Variants in CHODL observed in about 807,000 individuals in gnomAD.
CHODL encodes the protein chondrolectin.
Under a neutral mutation model 34.5 loss-of-function variants are expected in CHODL, and 29 were observed. That is an observed-to-expected ratio of 0.84 (90% CI 0.63 to 1.15). The LOEUF is 1.15. Among genes scored for constraint, CHODL ranks in the 50% most tolerant of loss-of-function variants. CHODL has a pLI of 0.00. For missense variants in CHODL, 332 were observed against 332.5 expected, an observed-to-expected ratio of 1.00 and a Z score of 0.01; for synonymous variants, 125 against 116.1, an observed-to-expected ratio of 1.08 and a Z score of -0.49.
At chr21:18,096,092 G>A (rs993788051) in intron 2 of CHODL, among the ~76,000 whole-genome samples, 6 of 152,038 alleles carry the variant, frequency 3.9e-5, no homozygotes, top group South Asian at 2.1e-4. Flanking sequence ...AATTTCTTAC[G>A]ACTGTCTTTA....
chr21:18,101,714 A>ATT (rs71848643), intron 2 of CHODL, among the ~76,000 whole-genome samples: 16 of 144,864 alleles, frequency 1.1e-4, no homozygotes, highest in Non-Finnish European at 1.8e-4. Context: ...CATTTACAAC[A>ATT]TTTTTTTTTT....
intron 2 of CHODL, among the ~76,000 whole-genome samples, chr21:18,084,895 T>C: frequency 6.6e-6 from 1 of 150,880 alleles, no homozygotes; most frequent in Non-Finnish European, 1.5e-5. Context: ...ATTGTATTGC[T>C]ATCTCTTTTG....
intron 1 of CHODL, among the ~76,000 whole-genome samples, chr21:17,939,304 A>C (rs2063344956): frequency 6.6e-6 from 1 of 152,128 alleles, no homozygotes; most frequent in Non-Finnish European, 1.5e-5. Context: ...TATTTTAGAC[A>C]CTGAATATAA....
intron 1 of CHODL, among the ~76,000 whole-genome samples, chr21:17,946,009 T>C (rs2063404652): frequency 6.6e-6 from 1 of 152,028 alleles, no homozygotes; most frequent in Non-Finnish European, 1.5e-5. Flanking sequence ...AGCTGTTCTT[T>C]AGAAATGAAG....
At position 18,053,947 on chromosome 21, in the gene CHODL, C is replaced by A. The variant is rs2064547917; in HGVS notation, c.-45+25976C>A. Among the ~76,000 whole-genome samples the A allele has an allele frequency of 2.0e-5, 3 of 151,172 alleles. No homozygotes were observed. In the Admixed American group the frequency reaches 2.0e-4, roughly 10 times the overall value. On this transcript the variant is annotated intron_variant, in intron 2 of 6. Coordinates refer to the CHODL transcript ENST00000400127. Reference sequence around the variant, plus strand: ...ATAAATGTGTATAATTTATATATATCACATATAAAATCACATATATCACAC... The same window carrying A: ...ATAAATGTGTATAATTTATATATATAACATATAAAATCACATATATCACAC...
chr21:17,932,177 C>G lies in CHODL; in HGVS notation c.-145+14777C>G, dbSNP rs545586104. On this transcript the variant is annotated intron_variant, in intron 1 of 6. Coordinates refer to the CHODL transcript ENST00000400127. ...CAAATAGACACTGCTCAAAAGAATA[C>G]AAGTGACCAACAAAGATATGAAAAA... 2.6e-5 allele frequency among the ~76,000 whole-genome samples: 4 copies of G among 152,104 alleles called. No individual in the cohort carries two copies. The South Asian group carries it at 8.3e-4, about 32-fold the overall frequency.
intron 1 of CHODL, among the ~76,000 whole-genome samples, chr21:18,008,241 G>A (rs2063978711): frequency 6.6e-6 from 1 of 151,728 alleles, no homozygotes; most frequent in South Asian, 2.1e-4. Flanking sequence ...TTGTATGTAT[G>A]CGTATACCCA....
At position 18,226,408 on chromosome 21, in the gene CHODL, C is replaced by G. The variant is rs1280779027; in HGVS notation, c.-44-30101C>G. On this transcript the variant is annotated intron_variant, in intron 2 of 6. Transcript: ENST00000400127. ...CTTCACCTCCCAGGTTCAAGGGATT[C>G]TCCTGCCTCAGCCTCCCAAGTAGCT... Among the ~76,000 whole-genome samples the G allele has an allele frequency of 3.9e-5, 6 of 152,166 alleles. No homozygotes were observed. The East Asian group carries it at 1.2e-3, about 29-fold the overall frequency.
chr21:18,254,854 C>T (rs537238767), intron 1 of CHODL, among the ~76,000 whole-genome samples: 4 of 151,730 alleles, frequency 2.6e-5, no homozygotes, highest in South Asian at 2.1e-4. Context: ...TAGAGGTATG[C>T]GAAATTTAAT....
In CHODL at chr21:18,260,219, T is replaced by C; in HGVS notation, c.567T>C (p.Pro189=). 1 of 1,576,330 alleles carries C rather than the reference T, an allele frequency of 6.3e-7. No homozygotes were observed. Among genetic ancestry groups the C allele is most frequent in the Admixed American group, 1.9e-5 (1 of 53,750 alleles). ...TTACAGAGATTAATCCAACAGCCCC[T>C]GTAGAAAAGCCTTATCTTACAAATC... ...KYEPEINPTA[P]VEKPYLTNQP... is the part of the protein sequence containing the mutation. The change falls in exon 4 of 6, where the codon CCT becomes CCC. Residue 189 remains proline (P), a synonymous_variant. Coordinates refer to ENST00000299295, the MANE Select transcript of CHODL (RefSeq NM_024944.3).
intron 2 of CHODL, among the ~76,000 whole-genome samples, chr21:18,193,510 A>G (rs985351910): frequency 2.0e-5 from 3 of 151,860 alleles, no homozygotes; most frequent in Non-Finnish European, 4.4e-5. Context: ...CCTGCCCAAC[A>G]TGGTGAAACC....
At chr21:17,944,819 A>C (rs1244489991) in intron 1 of CHODL, among the ~76,000 whole-genome samples, 1 of 152,212 alleles carries the variant, frequency 6.6e-6, no homozygotes, top group African/African-American at 2.4e-5. Flanking sequence ...CCTTCCAAAG[A>C]ACTTGTAAGG....
chr21:18,069,266 A>G (rs1423977868), intron 2 of CHODL, among the ~76,000 whole-genome samples: 1 of 152,188 alleles, frequency 6.6e-6, no homozygotes, highest in Non-Finnish European at 1.5e-5. Flanking sequence ...AAGGAATTGG[A>G]CAAACCACAG....
chr21:18,069,924 C>T (rs1046303892), intron 2 of CHODL, among the ~76,000 whole-genome samples: 12 of 150,932 alleles, frequency 8.0e-5, no homozygotes, highest in African/African-American at 1.7e-4. Context: ...TTTTCTTTTC[C>T]TCCCTCTCTC....
At chr21:17,944,087 G>A (rs975450517) in intron 1 of CHODL, among the ~76,000 whole-genome samples, 3 of 119,306 alleles carry the variant, frequency 2.5e-5, no homozygotes, top group African/African-American at 1.1e-4. Flanking sequence ...CCACTAGACT[G>A]TTATTCTTCC....
At chr21:18,145,265 G>A (rs1311854659) in intron 2 of CHODL, among the ~76,000 whole-genome samples, 6 of 133,994 alleles carry the variant, frequency 4.5e-5, no homozygotes, top group South Asian at 5.1e-4. Context: ...TGAAACCCCC[G>A]TCTCTACTAA....
At chr21:18,105,953 C>T (rs1284904025) in intron 2 of CHODL, among the ~76,000 whole-genome samples, 1 of 152,094 alleles carries the variant, frequency 6.6e-6, no homozygotes, top group Non-Finnish European at 1.5e-5. Flanking sequence ...TTCTCAGATG[C>T]CAATGGAGAC....
intron 1 of CHODL, among the ~76,000 whole-genome samples, chr21:17,971,049 C>T (rs575258718): frequency 1.3e-5 from 2 of 152,162 alleles, no homozygotes; most frequent in Non-Finnish European, 1.5e-5. Flanking sequence ...CATGTCCCTA[C>T]AAAGGACATG....
At chr21:18,249,598 G>T (rs982079977) in intron 1 of CHODL, among the ~76,000 whole-genome samples, 1 of 152,032 alleles carries the variant, frequency 6.6e-6, no homozygotes, top group Non-Finnish European at 1.5e-5. Flanking sequence ...TAGATAACAT[G>T]CACAGTGTTT....
Sources: allele counts gnomAD v4.1 joint callset (sites outside exome capture counted in the v4.1 genomes callset), GRCh38; gene constraint gnomAD v4.1.1; transcripts MANE v1.5; gene names NCBI Gene and HGNC (gene_info 2026-07-23, HGNC 2026-07-21).